Variants in ZNF385C observed in about 807,000 individuals in gnomAD.
ZNF385C encodes CTD-2132N18.2.
Under a neutral mutation model 35.4 loss-of-function variants are expected in ZNF385C, and 28 were observed. That is an observed-to-expected ratio of 0.79 (90% CI 0.59 to 1.08). The LOEUF (loss-of-function observed/expected upper bound fraction) is 1.08, where lower values mean the gene tolerates loss of function less well. ZNF385C is among the 50% of genes least tolerant of loss of function. The probability of loss-of-function intolerance (pLI) is 0.00; values close to 1 mark genes in which losing one functional copy is unlikely to be tolerated. For missense variants in ZNF385C, 605 were observed against 595.6 expected (o/e 1.02, Z -0.16); for synonymous variants, 248 against 248.2 (o/e 1.00, Z 0.01).
chr17:42,086,303 A>G (rs2053807305), intron 1 of ZNF385C, among the ~76,000 whole-genome samples: 1 of 152,078 alleles, frequency 6.6e-6, no homozygotes, highest in Admixed American at 6.5e-5. Context: ...GAGGCACAAG[A>G]ATCGCTTCAA....
chr17:42,066,837 G>A (rs2053553450), intron 1 of ZNF385C, among the ~76,000 whole-genome samples: 1 of 152,124 alleles, frequency 6.6e-6, no homozygotes, highest in Non-Finnish European at 1.5e-5. Context: ...GGGAGGCCGA[G>A]GTGGGTGGAT....
Position 42,026,820 on chromosome 17 carries a change from A to G in ZNF385C, c.*77T>C. 5.0e-6 allele frequency: 7 copies of G among 1,393,728 alleles called. No homozygotes were observed. Among genetic ancestry groups the G allele is most frequent in the Non-Finnish European group, 7.0e-6 (7 of 1,003,224 alleles). 86.3% of individuals were successfully genotyped at this position (1,393,728 alleles called of 1,614,324 possible). A position where few individuals can be genotyped will look rare whatever the true frequency, so the allele number is the denominator to read the frequency against. On this transcript the variant is annotated 3_prime_UTR_variant, in exon 9 of 9. Coordinates refer to ENST00000692273, the MANE Select transcript of ZNF385C (RefSeq NM_001392013.1). The stretch of plus-strand genomic sequence containing the variant: ...GCTGTTCACAGTCCCTGTGGCATGT[A>G]GGAAACCAAGGTGTCTCAGGACAGG...
At chr17:42,079,291 C>T (rs1375621509) in intron 1 of ZNF385C, among the ~76,000 whole-genome samples, 4 of 145,494 alleles carry the variant, frequency 2.7e-5, no homozygotes, top group Admixed American at 1.4e-4. Flanking sequence ...GTAATCCCAA[C>T]TACTGGGGAG....
chr17:42,041,259 G>T, intron 2 of ZNF385C: 1 of 1,205,558 alleles, frequency 8.3e-7, no homozygotes, highest in South Asian at 4.3e-5. Flanking sequence ...GAGGCAGGCA[G>T]TGCGGGGTGG....
At position 42,034,303 on chromosome 17, in the gene ZNF385C, G is replaced by A; in HGVS notation, c.432C>T (p.His144=). The A allele has an allele frequency of 6.4e-7, 1 of 1,550,650 alleles. No individual in the cohort carries two copies. Among genetic ancestry groups the A allele is most frequent in the Non-Finnish European group, 8.7e-7 (1 of 1,146,994 alleles). Residue 144 remains histidine, a synonymous_variant, in exon 4 of 9, where the codon CAC becomes CAT. Transcript: ENST00000692273. ...TCAGAGGGGAGGGGACACCAAACGT[G>A]TGGCTGATGACAGCTTTCTGGACCG... ...MDPVQKAVIS[H]TFGVPSPLKK...
rs115701757 is a variant in ZNF385C, at chr17:42,060,168, T to C, written c.250+2639A>G. Among the ~76,000 whole-genome samples the C allele has an allele frequency of 7.2e-3, 1,098 of 152,226 alleles. 14 individuals are homozygous for C. The highest frequency in any genetic ancestry group is 0.024 in the African/African-American group (990 of 41,520). On this transcript the variant is annotated intron_variant, in intron 2 of 8. Transcript: ENST00000692273. ...CCCCTTTCTGATAACTGAGCTGCCC[T>C]CTGTGGCACTGCCTAAGCTAGAGGT...
intron 6 of ZNF385C, 169 bp downstream of exon 6, chr17:42,028,614 A>T: frequency 1.2e-6 from 1 of 839,698 alleles, no homozygotes; most frequent in Non-Finnish European, 1.8e-6. Flanking sequence ...CTCCTTCCCC[A>T]AGGAGTAATG....
chr17:42,035,894 G>T (rs959108767), intron 3 of ZNF385C, among the ~76,000 whole-genome samples: 1 of 152,160 alleles, frequency 6.6e-6, no homozygotes, highest in East Asian at 1.9e-4. Flanking sequence ...ACAGCCAGGG[G>T]AGGTGGGGGG....
At chr17:42,081,243 C>T (rs1555659690) in intron 1 of ZNF385C, among the ~76,000 whole-genome samples, 1 of 152,096 alleles carries the variant, frequency 6.6e-6, no homozygotes, top group South Asian at 2.1e-4. Context: ...TGCAGAAGAC[C>T]AGCACTCAGG....
chr17:42,032,484 C>T (rs1270661506), intron 4 of ZNF385C, among the ~76,000 whole-genome samples: 2 of 152,092 alleles, frequency 1.3e-5, no homozygotes, highest in East Asian at 1.9e-4. Flanking sequence ...TTACAAGGGC[C>T]GAGTACATAG....
intron 2 of ZNF385C, among the ~76,000 whole-genome samples, chr17:42,045,334 C>T (rs1419534284): frequency 1.3e-5 from 2 of 151,910 alleles, no homozygotes; most frequent in East Asian, 3.9e-4. Flanking sequence ...TACAGGCGTG[C>T]GCCACCGCGC....
chr17:42,076,158 G>C lies in ZNF385C; in HGVS notation c.-2-13100C>G, dbSNP rs372626264. Among the ~76,000 whole-genome samples, 21 of 152,272 alleles carry C rather than the reference G, an allele frequency of 1.4e-4. No individual in the cohort carries two copies. The East Asian group carries it at 2.7e-3, about 20-fold the overall frequency. ...ACCCACAAAGACGTGGCTTCACCTA[G>C]ATACCTAGGAATAACACACCCCTAA... On this transcript the variant is annotated intron_variant, in intron 1 of 8. Coordinates refer to ENST00000692273, the MANE Select transcript of ZNF385C (RefSeq NM_001392013.1).
chr17:42,064,114 ACACACT>A lies in ZNF385C; in HGVS notation c.-2-1062_-2-1057del, dbSNP rs1243998732. 1.4e-4 allele frequency among the ~76,000 whole-genome samples: 20 copies of A among 138,736 alleles called. 2 individuals are homozygous for A. In the South Asian group the frequency reaches 2.6e-3, roughly 18 times the overall value. The allele number at this position is 138,736 out of a possible 152,430, so 91.0% of individuals were successfully genotyped here. On this transcript the variant is annotated intron_variant, in intron 1 of 8. Coordinates refer to ENST00000692273, the MANE Select transcript of ZNF385C (RefSeq NM_001392013.1). ...CACACACACACACACACACACACACACACACTTTCTGTCTCTTCGGGACCCTCAAGT... is the reference window on the plus strand; with the variant it reads ...CACACACACACACACACACACACACATTCTGTCTCTTCGGGACCCTCAAGT...
At chr17:42,041,067 G>A (rs2143651255) in intron 2 of ZNF385C, 3 of 1,232,328 alleles carry the variant, frequency 2.4e-6, no homozygotes, top group Non-Finnish European at 3.0e-6. Context: ...ACACTGAAGT[G>A]GCAAACAGGG....
chr17:42,071,242 C>T (rs1170391014), intron 1 of ZNF385C, among the ~76,000 whole-genome samples: 2 of 152,196 alleles, frequency 1.3e-5, no homozygotes, highest in African/African-American at 4.8e-5. Flanking sequence ...GGAAGCCTGT[C>T]GCCTTCCCCT....
Position 42,040,188 on chromosome 17 carries a change from G to A in ZNF385C, c.251-2303C>T, listed in dbSNP as rs542352247. On this transcript the variant is annotated intron_variant, in intron 2 of 8. Coordinates refer to ENST00000692273, the MANE Select transcript of ZNF385C (RefSeq NM_001392013.1). ...GGGGGTCGAAGATCGCTGCGAAGGC[G>A]GCCACGGCGTCCAGCGAAGGCCCGG... The A allele has an allele frequency of 9.7e-6, 12 of 1,231,604 alleles. No homozygotes were observed. The African/African-American group carries it at 1.2e-4, about 13-fold the overall frequency. 76.3% of individuals were successfully genotyped at this position (1,231,604 alleles called of 1,614,324 possible). A position where few individuals can be genotyped will look rare whatever the true frequency, so the allele number is the denominator to read the frequency against.
chr17:42,055,399 T>TG (rs1291575770), intron 2 of ZNF385C, among the ~76,000 whole-genome samples: 2 of 150,144 alleles, frequency 1.3e-5, no homozygotes, highest in African/African-American at 2.5e-5. Context: ...CTGGTGGTCC[T>TG]GGGGGAGGGG....
intron 1 of ZNF385C, among the ~76,000 whole-genome samples, chr17:42,082,550 C>G (rs550285250): frequency 1.2e-4 from 19 of 152,352 alleles, no homozygotes; most frequent in Non-Finnish European, 2.2e-4. Flanking sequence ...TTGGCCTTGC[C>G]CTAAGAGCCA....
At chr17:42,085,832 C>A (rs1371539169) in intron 1 of ZNF385C, among the ~76,000 whole-genome samples, 1 of 151,110 alleles carries the variant, frequency 6.6e-6, no homozygotes, top group Non-Finnish European at 1.5e-5. Context: ...CTCCTGACCT[C>A]GTGATCCACC....
Sources: gnomAD v4.1 joint callset for allele counts (sites outside exome capture counted in the v4.1 genomes callset) on GRCh38, gnomAD v4.1.1 for gene constraint, MANE v1.5 for transcripts, NCBI Gene and HGNC (gene_info 2026-07-23, HGNC 2026-07-21) for gene names.